The following MCF2L2 variants were observed in gnomAD, a reference collection of about 807,000 sequenced individuals.
MCF2L2 encodes the protein MCF.2 cell line derived transforming sequence-like 2.
Under a neutral mutation model 150.2 loss-of-function variants are expected in MCF2L2, and 102 were observed. The ratio of observed to expected loss-of-function variants is 0.68; its 90% CI spans 0.58 to 0.80. The LOEUF (loss-of-function observed/expected upper bound fraction) is 0.80. MCF2L2 is among the 30% of genes least tolerant of loss of function. The probability of loss-of-function intolerance (pLI) is 0.00; values close to 1 mark genes in which losing one functional copy is unlikely to be tolerated. For missense variants in MCF2L2, 1,256 were observed against 1,372.8 expected (o/e 0.91, Z 1.34); for synonymous variants, 465 against 491.3 (o/e 0.95, Z 0.71).
chr3:183,345,533 T>C (rs1434322110), intron 3 of MCF2L2, among the ~76,000 whole-genome samples: 1 of 152,012 alleles, frequency 6.6e-6, no homozygotes, highest in Non-Finnish European at 1.5e-5. Flanking sequence ...AGCAAACACA[T>C]TCAAAAGTTA....
chr3:183,228,788 G>T (rs1465152184), intron 17 of MCF2L2, among the ~76,000 whole-genome samples: 1 of 152,190 alleles, frequency 6.6e-6, no homozygotes, highest in African/African-American at 2.4e-5. Flanking sequence ...TTACATGAAA[G>T]TAACGTTCAT....
At chr3:183,223,533 T>C (rs1723220904) in intron 19 of MCF2L2, 95 bp from the exon 20 acceptor site, 2 of 887,922 alleles carry the variant, frequency 2.3e-6, no homozygotes, top group South Asian at 2.8e-5. Flanking sequence ...AAATTGCTTT[T>C]CCTGGACAAC....
intron 23 of MCF2L2, among the ~76,000 whole-genome samples, chr3:183,206,812 T>C (rs1315090079): frequency 6.6e-6 from 1 of 151,808 alleles, no homozygotes; most frequent in East Asian, 1.9e-4. Flanking sequence ...AGGTTGCAGT[T>C]AGCCAAGATC....
intron 4 of MCF2L2, among the ~76,000 whole-genome samples, chr3:183,341,112 C>T (rs1284819229): frequency 1.3e-5 from 2 of 152,196 alleles, no homozygotes; most frequent in Admixed American, 1.3e-4. Flanking sequence ...GGCAATGTCT[C>T]AATGAGGGGG....
chr3:183,298,820 A>T (rs186523009), intron 11 of MCF2L2: 9 of 150,202 alleles, frequency 6.0e-5, no homozygotes, highest in African/African-American at 2.2e-4. Context: ...TGGAGCAAAA[A>T]TGGAGTTGGG....
rs998013876 is a variant in MCF2L2, at chr3:183,308,495, C to T, written c.1113+1221G>A. Reference sequence around the variant, plus strand: ...TTCCTGATGACTCATGTGTCTTTAGCACTAGTTTATCTGTCAAATGGTCAC... The same window carrying T: ...TTCCTGATGACTCATGTGTCTTTAGTACTAGTTTATCTGTCAAATGGTCAC... On this transcript the variant is annotated intron_variant, in intron 10 of 29. Coordinates refer to ENST00000328913, the MANE Select transcript of MCF2L2 (RefSeq NM_015078.4). Among the ~76,000 whole-genome samples, 23 of 152,148 alleles carry T rather than the reference C, an allele frequency of 1.5e-4. 1 individual carries two copies. Among genetic ancestry groups the T allele is most frequent in the Non-Finnish European group, 1.8e-4 (12 of 68,034 alleles).
intron 27 of MCF2L2, 97 bp from the exon 28 acceptor site, chr3:183,180,256 C>T (rs373018292): frequency 1.2e-5 from 9 of 767,148 alleles, no homozygotes; most frequent in Admixed American, 2.0e-5. Flanking sequence ...GTTGCAGGCA[C>T]GGTCCTCCCC....
At position 183,179,339 on chromosome 3, in the gene MCF2L2, G is replaced by C; in HGVS notation, c.*41C>G. Reference sequence around the variant, plus strand: ...CCCACACCGCCTCTCCCGGGAATGCGGGCGCTCTGGAGCCGAGGAGCGGGG... The same window carrying C: ...CCCACACCGCCTCTCCCGGGAATGCCGGCGCTCTGGAGCCGAGGAGCGGGG... On this transcript the variant is annotated 3_prime_UTR_variant, in exon 30 of 30. Transcript: ENST00000328913. This position sits in a 1 kb window ranked among gnomAD's most constrained non-coding sequence, Gnocchi z 4.2. 6 of 1,392,826 alleles carry C rather than the reference G, an allele frequency of 4.3e-6. No individual in the cohort carries two copies. Among genetic ancestry groups the C allele is most frequent in the Non-Finnish European group, 5.6e-6 (6 of 1,076,042 alleles). 86.3% of individuals were successfully genotyped at this position (1,392,826 alleles called of 1,614,324 possible).
chr3:183,204,301 A>G (rs566048676), intron 25 of MCF2L2, among the ~76,000 whole-genome samples: 53 of 152,298 alleles, frequency 3.5e-4, no homozygotes, highest in African/African-American at 1.2e-3. Flanking sequence ...TAAAATGACA[A>G]GCCAATTAAA....
intron 15 of MCF2L2, among the ~76,000 whole-genome samples, chr3:183,253,063 G>T (rs181929017): frequency 1.3e-5 from 2 of 152,206 alleles, no homozygotes; most frequent in Non-Finnish European, 2.9e-5. Flanking sequence ...ACTGACGAGC[G>T]GCAGGGAAAC....
intron 10 of MCF2L2, among the ~76,000 whole-genome samples, chr3:183,302,922 C>T (rs182775219): frequency 2.6e-3 from 393 of 152,246 alleles, no homozygotes; most frequent in Non-Finnish European, 4.8e-3. Context: ...TGGCTGGGCG[C>T]GGTGGCTCAC....
chr3:183,360,406 C>A (rs528175289), intron 3 of MCF2L2, among the ~76,000 whole-genome samples: 1 of 151,824 alleles, frequency 6.6e-6, no homozygotes, highest in South Asian at 2.1e-4. Context: ...TGTCCCCACA[C>A]AAAAAATTAA....
chr3:183,279,901 T>C (rs994848980), intron 14 of MCF2L2, among the ~76,000 whole-genome samples: 2 of 152,102 alleles, frequency 1.3e-5, no homozygotes, highest in African/African-American at 4.8e-5. Flanking sequence ...TAGTGGCGCA[T>C]GTCTGTAGTC....
intron 3 of MCF2L2, among the ~76,000 whole-genome samples, chr3:183,350,975 G>A (rs1245268873): frequency 6.6e-6 from 1 of 151,200 alleles, no homozygotes; most frequent in Admixed American, 6.6e-5. Context: ...AATTCATTAT[G>A]TCTTGTTATA....
intron 27 of MCF2L2, among the ~76,000 whole-genome samples, chr3:183,190,841 A>G (rs2108633821): frequency 6.6e-6 from 1 of 152,304 alleles, no homozygotes; most frequent in African/African-American, 2.4e-5. Context: ...CTCTACTGTA[A>G]TACTGTATAT....
chr3:183,304,462 A>ATTTTTT lies in MCF2L2; in HGVS notation c.1114-4272_1114-4267dup, dbSNP rs36115279. 3.7e-4 allele frequency among the ~76,000 whole-genome samples: 42 copies of ATTTTTT among 114,094 alleles called. 2 individuals carry two copies. Among genetic ancestry groups the ATTTTTT allele is most frequent in the South Asian group, 1.2e-3 (4 of 3,364 alleles). The allele number at this position is 114,094 out of a possible 152,430, so 74.9% of individuals were successfully genotyped here. ...TGGAATACTCATTCCCTGGGCAGTG[A>ATTTTTT]TTTTTTTTTTTTTTTTTTTTTTGAG... On this transcript the variant is annotated intron_variant, in intron 10 of 29. Transcript: ENST00000328913.
intron 27 of MCF2L2, among the ~76,000 whole-genome samples, chr3:183,188,927 C>A (rs375073891): frequency 6.6e-6 from 1 of 151,988 alleles, no homozygotes. Context: ...CTGATGGTGC[C>A]GTTGCACTCC....
At position 183,206,213 on chromosome 3, in the gene MCF2L2, A is replaced by G; in HGVS notation, c.2714T>C (p.Leu905Pro). 1 of 1,611,784 alleles carries G rather than the reference A, an allele frequency of 6.2e-7. No individual in the cohort carries two copies. The highest frequency in any genetic ancestry group is 8.5e-7 in the Non-Finnish European group (1 of 1,177,826). ...AAGCTGGCGAATTGAAAGTGTCATC[A>G]GCTATTATAAAGAGGGAAGAGAAAT... ...PHYSFKKTMK[L>P]MTLSIRQLGR... The change falls in exon 24 of 30, where the codon CTG (leucine) becomes CCG (proline). Residue 905 changes from leucine (L) to proline (P), a missense_variant and splice_region_variant. Transcript: ENST00000328913.
chr3:183,244,288 T>G (rs1287649635), intron 15 of MCF2L2, among the ~76,000 whole-genome samples: 2 of 151,822 alleles, frequency 1.3e-5, no homozygotes, highest in African/African-American at 4.8e-5. Context: ...AACATCAGAC[T>G]CCAAGTTCTT....
Sources: allele counts gnomAD v4.1 joint callset (sites outside exome capture counted in the v4.1 genomes callset), GRCh38; gene constraint gnomAD v4.1.1; non-coding constraint Gnocchi (gnomAD v3.1); transcripts MANE v1.5; gene names NCBI Gene and HGNC (gene_info 2026-07-23, HGNC 2026-07-21).